The following LPIN1 variants were observed in gnomAD, a reference collection of about 807,000 sequenced individuals.
LPIN1 encodes the protein lipin 1.
In LPIN1, 71 loss-of-function variants were observed where a neutral mutation model predicts 107.5. The observed-to-expected ratio is 0.66, with a 90% confidence interval of 0.55 to 0.80. LPIN1 has a LOEUF of 0.80. Ranked by LOEUF, LPIN1 falls within the 30% of genes least tolerant of loss-of-function variation. LPIN1 has a pLI of 0.00. For missense variants in LPIN1, 1,043 were observed against 1,160.6 expected, an observed-to-expected ratio of 0.90 and a Z score of 1.47; for synonymous variants, 445 against 452.6, an observed-to-expected ratio of 0.98 and a Z score of 0.21.
Position 11,805,071 on chromosome 2 carries a change from T to A in LPIN1, c.2164T>A (p.Ser722Thr). 1 of 1,599,230 alleles carries A rather than the reference T, an allele frequency of 6.3e-7. No individual in the cohort carries two copies. The highest frequency in any genetic ancestry group is 8.6e-7 in the Non-Finnish European group (1 of 1,166,606). The change falls in exon 17 of 21, where the codon TCA becomes ACA. Residue 722 changes from serine to threonine, a missense_variant and splice_region_variant. Ser to Thr is a moderately conservative substitution (Grantham distance 58). Transcript: ENST00000674199. ...TTTTCTCTTTTCCTCTTCATTTAGA[T>A]CAGATACTCTTGGCCACATTTTGCC... ...ISDIDGTITRSDTLGHILPTL... is the reference protein window; with the variant it reads ...ISDIDGTITRTDTLGHILPTL...
chr2:11,701,724 G>A, intron 1 of LPIN1, among the ~76,000 whole-genome samples: 1 of 152,164 alleles, frequency 6.6e-6, no homozygotes, highest in South Asian at 2.1e-4. Context: ...AAATGACTAG[G>A]TCGAGGTCAC....
chr2:11,687,055 C>T (rs539362904), intron 1 of LPIN1, among the ~76,000 whole-genome samples: 67 of 134,340 alleles, frequency 5.0e-4, no homozygotes, highest in African/African-American at 1.8e-3. Context: ...GGCTGGAGTG[C>T]AGCGTGATCA....
upstream of LPIN1, among the ~76,000 whole-genome samples, chr2:11,719,816 A>T (rs1227063253): frequency 7.2e-6 from 1 of 139,554 alleles, no homozygotes; most frequent in Non-Finnish European, 1.5e-5. Context: ...TTTTTAAAGC[A>T]TGAATCATTG....
chr2:11,791,843 TC>T, intron 12 of LPIN1, 70 bp from the exon 13 acceptor site: 3 of 1,579,228 alleles, frequency 1.9e-6, no homozygotes, highest in Non-Finnish European at 2.6e-6. Context: ...CATGTATGTT[TC>T]TTTTGGTTTG....
At chr2:11,737,400 A>G (rs1032306980) in intron 1 of LPIN1, among the ~76,000 whole-genome samples, 1 of 152,346 alleles carries the variant, frequency 6.6e-6, no homozygotes, top group East Asian at 1.9e-4. Flanking sequence ...TAATTAAACT[A>G]AAGAGCTTTT....
intron 1 of LPIN1, among the ~76,000 whole-genome samples, chr2:11,686,876 G>A (rs1662034398): frequency 6.6e-6 from 1 of 152,056 alleles, no homozygotes; most frequent in African/African-American, 2.4e-5. Flanking sequence ...CAGCTGCTGG[G>A]GGCAGAGTTT....
At chr2:11,752,622 G>A (rs1668022867) in intron 1 of LPIN1, among the ~76,000 whole-genome samples, 1 of 150,414 alleles carries the variant, frequency 6.6e-6, no homozygotes, top group African/African-American at 2.5e-5. Flanking sequence ...TAGTAGAGAC[G>A]GGGTTTCACC....
chr2:11,775,912 A>G (rs1321880095), intron 5 of LPIN1, among the ~76,000 whole-genome samples, 174 bp from the exon 6 acceptor site: 1 of 147,478 alleles, frequency 6.8e-6, no homozygotes, highest in Non-Finnish European at 1.5e-5. Flanking sequence ...AGTATATTAT[A>G]TATACTTTAT....
intron 1 of LPIN1, among the ~76,000 whole-genome samples, chr2:11,693,513 C>G (rs541034534): frequency 2.0e-4 from 31 of 152,028 alleles, no homozygotes; most frequent in Non-Finnish European, 3.5e-4. Context: ...GCACCCCCTT[C>G]GGTGGTTCGT....
chr2:11,759,847 G>A (rs1362148649), intron 1 of LPIN1, among the ~76,000 whole-genome samples: 1 of 142,478 alleles, frequency 7.0e-6, no homozygotes, highest in Non-Finnish European at 1.6e-5. Context: ...CGGGGCGGCT[G>A]GCCGGGCGGG....
intron 1 of LPIN1, among the ~76,000 whole-genome samples, chr2:11,739,587 C>T (rs1666131752): frequency 6.6e-6 from 1 of 152,190 alleles, no homozygotes; most frequent in African/African-American, 2.4e-5. Flanking sequence ...CAATGTTGAA[C>T]ATCAAGGCTC....
At chr2:11,738,257 G>A (rs925718892) in intron 1 of LPIN1, among the ~76,000 whole-genome samples, 19 of 152,106 alleles carry the variant, frequency 1.2e-4, no homozygotes, top group African/African-American at 9.6e-5. Context: ...CTAGGGGAGG[G>A]ATAGCATTAG....
intron 1 of LPIN1, among the ~76,000 whole-genome samples, chr2:11,681,032 T>A (rs1248388160): frequency 6.6e-6 from 1 of 152,202 alleles, no homozygotes; most frequent in Non-Finnish European, 1.5e-5. Context: ...GCACTACACC[T>A]GAAAGCAGAT....
At position 11,765,550 on chromosome 2, in the gene LPIN1, C is replaced by T. The variant is rs777836868; in HGVS notation, c.9C>T (p.Tyr3=). 62 of 1,613,558 alleles carry T rather than the reference C, an allele frequency of 3.8e-5. No homozygotes were observed. Among genetic ancestry groups the T allele is most frequent in the South Asian group, 1.5e-4 (14 of 91,050 alleles). The change falls in exon 2 of 21, where the codon TAC becomes TAT. Residue 3 remains tyrosine, a synonymous_variant. Transcript: ENST00000674199. The surrounding 1 kb of genome is among the most constrained non-coding windows in gnomAD (Gnocchi z 4.4). Reference sequence around the variant, plus strand: ...TTTTCCAGGTGCAGACCATGAATTACGTGGGGCAGTTAGCCGGCCAGGTGT... The same window carrying T: ...TTTTCCAGGTGCAGACCATGAATTATGTGGGGCAGTTAGCCGGCCAGGTGT... MN[Y]VGQLAGQVFV...
intron 1 of LPIN1, among the ~76,000 whole-genome samples, chr2:11,702,969 G>A (rs879284718): frequency 4.6e-5 from 7 of 152,156 alleles, no homozygotes; most frequent in South Asian, 2.1e-4. Flanking sequence ...GTGGATGACC[G>A]CCTCCCAGGC....
At chr2:11,741,215 G>C in intron 1 of LPIN1, 1 of 592,800 alleles carries the variant, frequency 1.7e-6, no homozygotes, top group East Asian at 2.9e-5. Flanking sequence ...AGGAGCCCGG[G>C]AGTCCTGCCC....
intron 12 of LPIN1, among the ~76,000 whole-genome samples, chr2:11,789,539 T>C: frequency 6.7e-6 from 1 of 148,198 alleles, no homozygotes; most frequent in African/African-American, 2.4e-5. Flanking sequence ...CATGTGTGCG[T>C]GCATGTGTGG....
intron 14 of LPIN1, 75 bp downstream of exon 14, chr2:11,795,562 C>A: frequency 7.7e-7 from 1 of 1,301,284 alleles, no homozygotes; most frequent in Non-Finnish European, 1.1e-6. Flanking sequence ...TGCCTGGATG[C>A]AGATAGGGTT....
intron 14 of LPIN1, among the ~76,000 whole-genome samples, chr2:11,795,777 G>C (rs1198108702): frequency 3.3e-5 from 5 of 152,230 alleles, no homozygotes; most frequent in African/African-American, 9.6e-5. Context: ...CACAGATGAT[G>C]ATGATGACAA....
Sources: gnomAD v4.1 joint callset for allele counts (sites outside exome capture counted in the v4.1 genomes callset) on GRCh38, gnomAD v4.1.1 for gene constraint, Gnocchi (gnomAD v3.1) non-coding constraint, MANE v1.5 for transcripts, NCBI Gene and HGNC (gene_info 2026-07-23, HGNC 2026-07-21) for gene names.